HHAT: variants seen among roughly 807,000 people sequenced by gnomAD.
HHAT encodes protein-cysteine N-palmitoyltransferase HHAT.
Under a neutral mutation model 70.8 loss-of-function variants are expected in HHAT, and 47 were observed. That is an observed-to-expected ratio of 0.66 (90% CI 0.53 to 0.85). The LOEUF (loss-of-function observed/expected upper bound fraction) is 0.85. Ranked by LOEUF, HHAT falls within the 40% of genes least tolerant of loss-of-function variation. HHAT has a pLI of 0.00. For missense variants in HHAT, 609 were observed against 604.8 expected, an observed-to-expected ratio of 1.01 and a Z score of -0.07; for synonymous variants, 228 against 247.6, an observed-to-expected ratio of 0.92 and a Z score of 0.74.
chr1:210,666,139 T>C (rs1334602450), intron 11 of HHAT, among the ~76,000 whole-genome samples: 1 of 152,182 alleles, frequency 6.6e-6, no homozygotes, highest in Non-Finnish European at 1.5e-5. Flanking sequence ...AGAGACAAGA[T>C]GGTGGTCACA....
intron 11 of HHAT, among the ~76,000 whole-genome samples, chr1:210,631,357 G>T (rs1179485360): frequency 6.6e-6 from 1 of 152,208 alleles, no homozygotes; most frequent in African/African-American, 2.4e-5. Context: ...GAGCAAGTTG[G>T]GAGGGTGACA....
chr1:210,615,758 G>T (rs1667571157), intron 10 of HHAT, among the ~76,000 whole-genome samples: 2 of 152,244 alleles, frequency 1.3e-5, no homozygotes, highest in Non-Finnish European at 1.5e-5. Flanking sequence ...AGCGAATATT[G>T]CTGAACAGCA....
intron 7 of HHAT, among the ~76,000 whole-genome samples, chr1:210,426,448 G>A (rs767578866): frequency 1.3e-5 from 2 of 152,074 alleles, no homozygotes; most frequent in Admixed American, 1.3e-4. Context: ...TCCAGCATTC[G>A]CCTATTCAGT....
rs1048610431 is a variant in HHAT at position 210,445,391 on chromosome 1, A to G, written c.857-19114A>G. 3.3e-5 allele frequency among the ~76,000 whole-genome samples: 5 copies of G among 152,148 alleles called. No homozygotes were observed. In the South Asian group the frequency reaches 6.2e-4, roughly 19 times the overall value. On this transcript the variant is annotated intron_variant, in intron 7 of 11. Transcript: ENST00000261458. Reference sequence around the variant, plus strand: ...ACCTACTTTGAAAGCTTACCGTATTATGAACTTTTCCTCATGTGGTGAAAT... The same window carrying G: ...ACCTACTTTGAAAGCTTACCGTATTGTGAACTTTTCCTCATGTGGTGAAAT...
intron 8 of HHAT, among the ~76,000 whole-genome samples, chr1:210,510,134 G>A (rs2094929529): frequency 6.6e-6 from 1 of 152,158 alleles, no homozygotes; most frequent in Non-Finnish European, 1.5e-5. Context: ...AATATATTTA[G>A]TTTTTAAATT....
chr1:210,510,620 T>C (rs2148575558), intron 8 of HHAT, among the ~76,000 whole-genome samples: 1 of 152,308 alleles, frequency 6.6e-6, no homozygotes, highest in African/African-American at 2.4e-5. Context: ...GTGAGAACCC[T>C]GCTTTTAGCA....
At chr1:210,567,176 C>A (rs77711219) in intron 9 of HHAT, among the ~76,000 whole-genome samples, 9,048 of 152,230 alleles carry the variant, frequency 0.059, 859 homozygotes, top group African/African-American at 0.2. Context: ...AGAATAGTGC[C>A]CATTTTGAAA....
At position 210,565,229 on chromosome 1, in the gene HHAT, G is replaced by A. The variant is rs536790263; in HGVS notation, c.1044-22669G>A. Reference sequence around the variant, plus strand: ...GTGATAAAGATGATGTATATGGTTCGGGAAGGAGAGGGTGCTCATATGATG... The same window carrying A: ...GTGATAAAGATGATGTATATGGTTCAGGAAGGAGAGGGTGCTCATATGATG... On this transcript the variant is annotated intron_variant, in intron 9 of 11. Coordinates refer to ENST00000261458, the MANE Select transcript of HHAT (RefSeq NM_018194.6). 3.9e-5 allele frequency among the ~76,000 whole-genome samples: 6 copies of A among 152,292 alleles called. No homozygotes were observed. The South Asian group carries it at 8.3e-4, about 21-fold the overall frequency.
intron 6 of HHAT, among the ~76,000 whole-genome samples, chr1:210,409,578 C>T (rs1263293496): frequency 1.3e-5 from 2 of 152,132 alleles, no homozygotes; most frequent in Admixed American, 6.5e-5. Flanking sequence ...TGCCACAAGG[C>T]CTCCTAGACC....
At chr1:210,342,777 A>G (rs2086147708) in intron 1 of HHAT, among the ~76,000 whole-genome samples, 1 of 152,156 alleles carries the variant, frequency 6.6e-6, no homozygotes. Flanking sequence ...TAATTTTGTG[A>G]GAGAGTTTTT....
intron 9 of HHAT, among the ~76,000 whole-genome samples, chr1:210,573,672 T>C (rs927999310): frequency 1.3e-5 from 2 of 152,206 alleles, no homozygotes; most frequent in Admixed American, 6.5e-5. Flanking sequence ...GAGGTTGGCA[T>C]TGGCATGTGT....
chr1:210,344,346 A>G (rs1558317350), intron 1 of HHAT, among the ~76,000 whole-genome samples: 1 of 152,038 alleles, frequency 6.6e-6, no homozygotes, highest in African/African-American at 2.4e-5. Flanking sequence ...TGCTGGGGCC[A>G]CTGTCTGTGG....
chr1:210,598,976 A>C (rs568650934), intron 10 of HHAT, among the ~76,000 whole-genome samples: 7 of 152,274 alleles, frequency 4.6e-5, no homozygotes, highest in Non-Finnish European at 8.8e-5. Flanking sequence ...ATATAGAAGA[A>C]TTCTATTTCT....
chr1:210,470,159 T>G (rs1258506958), intron 8 of HHAT, among the ~76,000 whole-genome samples: 1 of 152,132 alleles, frequency 6.6e-6, no homozygotes, highest in Non-Finnish European at 1.5e-5. Flanking sequence ...CATTTGTTTG[T>G]TTTTTAATTT....
chr1:210,556,540 A>T (rs941194954), intron 9 of HHAT, among the ~76,000 whole-genome samples: 6 of 152,174 alleles, frequency 3.9e-5, no homozygotes, highest in African/African-American at 1.4e-4. Context: ...CTTTCCTCTC[A>T]TCGCCTTTGG....
At chr1:210,608,826 T>G (rs1204526799) in intron 10 of HHAT, among the ~76,000 whole-genome samples, 1 of 152,162 alleles carries the variant, frequency 6.6e-6, no homozygotes, top group Non-Finnish European at 1.5e-5. Context: ...GATGGCATCT[T>G]GTTGCTGCAT....
At chr1:210,599,061 C>A (rs561381325) in intron 10 of HHAT, among the ~76,000 whole-genome samples, 222 of 152,296 alleles carry the variant, frequency 1.5e-3, no homozygotes, top group South Asian at 5.0e-3. Flanking sequence ...AGGAAGCCCT[C>A]TGATCGTCTA....
intron 1 of HHAT, among the ~76,000 whole-genome samples, chr1:210,331,614 ACT>A (rs2084995176): frequency 6.6e-6 from 1 of 152,062 alleles, no homozygotes; most frequent in African/African-American, 2.4e-5. Context: ...TAATGCTCAA[ACT>A]CTTTTGAAAG....
At chr1:210,396,204 G>A (rs112214197) in intron 4 of HHAT, among the ~76,000 whole-genome samples, 4 of 151,932 alleles carry the variant, frequency 2.6e-5, no homozygotes, top group Admixed American at 2.0e-4. Flanking sequence ...CCTCTTCCCC[G>A]GCTTTCTGTT....
Sources: allele counts gnomAD v4.1 joint callset (sites outside exome capture counted in the v4.1 genomes callset), GRCh38; gene constraint gnomAD v4.1.1; transcripts MANE v1.5; gene names NCBI Gene and HGNC (gene_info 2026-07-23, HGNC 2026-07-21).